Variants in CCDC88A observed in about 807,000 individuals in gnomAD.
CCDC88A encodes girdin.
A neutral mutation model predicts 234.3 loss-of-function variants in CCDC88A; 54 were observed. That is an observed-to-expected ratio of 0.23 (90% confidence interval 0.19 to 0.29). The LOEUF is 0.29. CCDC88A is among the 10% of genes least tolerant of loss of function. CCDC88A has a pLI of 1.00. For synonymous variants in CCDC88A, 753 were observed against 737.8 expected, an observed-to-expected ratio of 1.02 and a Z score of -0.33; for missense variants, 1,832 against 2,123.4, an observed-to-expected ratio of 0.86 and a Z score of 2.70.
intron 4 of CCDC88A, 151 bp from the exon 5 acceptor site, chr2:55,372,661 C>G: frequency 6.1e-6 from 3 of 491,602 alleles, no homozygotes; most frequent in South Asian, 4.5e-5. Context: ...AATAGCAGCT[C>G]TGTGTATGTA....
intron 2 of CCDC88A, among the ~76,000 whole-genome samples, chr2:55,407,578 C>G (rs1478091762): frequency 1.3e-5 from 2 of 151,736 alleles, no homozygotes; most frequent in African/African-American, 4.9e-5. Context: ...GCACTCCAGC[C>G]TGGGTGACAG....
chr2:55,354,143 C>CT (rs70954105), intron 8 of CCDC88A, among the ~76,000 whole-genome samples: 140 of 146,198 alleles, frequency 9.6e-4, no homozygotes, highest in Admixed American at 2.1e-3. Context: ...AAAAATGGTA[C>CT]TTTTTTTTTT....
chr2:55,366,844 C>A (rs1318674402), intron 5 of CCDC88A, among the ~76,000 whole-genome samples: 4 of 151,996 alleles, frequency 2.6e-5, no homozygotes, highest in Non-Finnish European at 5.9e-5. Context: ...AATAATAAGA[C>A]AAGGAACACA....
intron 3 of CCDC88A, among the ~76,000 whole-genome samples, chr2:55,381,005 C>G (rs2104854743): frequency 6.6e-6 from 1 of 152,250 alleles, no homozygotes; most frequent in East Asian, 1.9e-4. Flanking sequence ...AACAATAAAC[C>G]ATATATATGA....
At chr2:55,307,620 C>T (rs904265331) in intron 25 of CCDC88A, among the ~76,000 whole-genome samples, 12 of 152,026 alleles carry the variant, frequency 7.9e-5, no homozygotes, top group African/African-American at 2.9e-4. Context: ...ATCCAAAGTG[C>T]TGGGATTACA....
At position 55,322,508 on chromosome 2, in the gene CCDC88A, T is replaced by A. The variant is rs752519717; in HGVS notation, c.3162+20A>T. 2 of 1,441,648 alleles carry A rather than the reference T, an allele frequency of 1.4e-6. No homozygotes were observed. Among genetic ancestry groups the A allele is most frequent in the Non-Finnish European group, 1.9e-6 (2 of 1,039,948 alleles). 89.3% of individuals were successfully genotyped at this position (1,441,648 alleles called of 1,614,324 possible). ...TATTTCTAAAAAAAACTATTTCTAC[T>A]AAAATTTAAAAATACTTACATTTCT... On this transcript the variant is annotated intron_variant, in intron 18 of 32. Transcript: ENST00000436346.
intron 18 of CCDC88A, among the ~76,000 whole-genome samples, chr2:55,322,282 A>C (rs1414364311): frequency 6.6e-6 from 1 of 152,226 alleles, no homozygotes; most frequent in African/African-American, 2.4e-5. Flanking sequence ...GTCAGAGAAG[A>C]CCTTCTGCAG....
At chr2:55,387,645 G>A (rs986393528) in intron 3 of CCDC88A, among the ~76,000 whole-genome samples, 7 of 151,696 alleles carry the variant, frequency 4.6e-5, no homozygotes, top group African/African-American at 1.7e-4. Flanking sequence ...AGCTGGACAC[G>A]GTGGTGCACA....
chr2:55,336,899 A>T, intron 13 of CCDC88A, 81 bp from the exon 14 acceptor site: 1 of 866,862 alleles, frequency 1.2e-6, no homozygotes, highest in Non-Finnish European at 1.8e-6. Flanking sequence ...ATAATCGCTG[A>T]ATAAAGGATA....
intron 15 of CCDC88A, among the ~76,000 whole-genome samples, chr2:55,333,310 G>A (rs1440983031): frequency 6.6e-6 from 1 of 152,022 alleles, no homozygotes; most frequent in African/African-American, 2.4e-5. Context: ...TTAGAGATGG[G>A]AAAAAAAGAG....
chr2:55,396,742 CACCTGT>C (rs939930825), intron 2 of CCDC88A, among the ~76,000 whole-genome samples: 5 of 151,536 alleles, frequency 3.3e-5, no homozygotes, highest in African/African-American at 1.2e-4. Context: ...TGGTGGCAGG[CACCTGT>C]AGTCCTAGCT....
Position 55,393,289 on chromosome 2 carries a change from G to GTTTTTTTTTTTTT in CCDC88A, c.165-4416_165-4404dup. 3.1e-4 allele frequency among the ~76,000 whole-genome samples: 19 copies of GTTTTTTTTTTTTT among 61,658 alleles called. 2 individuals carry two copies. The highest frequency in any genetic ancestry group is 3.8e-4 in the Non-Finnish European group (14 of 37,196). The allele number at this position is 61,658 out of a possible 152,430, so 40.5% of individuals were successfully genotyped here. On this transcript the variant is annotated intron_variant, in intron 2 of 32. Coordinates refer to ENST00000436346, the MANE Select transcript of CCDC88A (RefSeq NM_001365480.1). ...TAGAGTTTTGATTTTGGTTTTTTGG[G>GTTTTTTTTTTTTT]TTTTTTTTTTTTTTTTTTTTTTTGC...
intron 2 of CCDC88A, among the ~76,000 whole-genome samples, chr2:55,400,874 T>G (rs1678499049): frequency 6.6e-6 from 1 of 152,180 alleles, no homozygotes; most frequent in Non-Finnish European, 1.5e-5. Flanking sequence ...TTAATAAATT[T>G]TTGAGATAAT....
At position 55,290,670 on chromosome 2, in the gene CCDC88A, G is replaced by A. The variant is rs1679383254; in HGVS notation, c.*530C>T. 1 of 152,328 alleles carries A rather than the reference G, an allele frequency of 6.6e-6. No individual in the cohort carries two copies. Among genetic ancestry groups the A allele is most frequent in the African/African-American group, 2.4e-5 (1 of 41,398 alleles). 9.4% of individuals were successfully genotyped at this position (152,328 alleles called of 1,614,324 possible). ...CACATGCAGTCTGCTAACCAAATAA[G>A]GCTCTGACATGCCAAAACAATTTTC... On this transcript the variant is annotated 3_prime_UTR_variant, in exon 33 of 33. Coordinates refer to ENST00000436346, the MANE Select transcript of CCDC88A (RefSeq NM_001365480.1).
chr2:55,327,104 T>C (rs1302450582), intron 17 of CCDC88A, among the ~76,000 whole-genome samples: 1 of 152,162 alleles, frequency 6.6e-6, no homozygotes, highest in Non-Finnish European at 1.5e-5. Flanking sequence ...AAATTTATTC[T>C]CTGGCTCTGA....
At chr2:55,404,470 C>T (rs1436731841) in intron 2 of CCDC88A, 1 of 151,954 alleles carries the variant, frequency 6.6e-6, no homozygotes, top group Non-Finnish European at 1.5e-5. Context: ...CCATTATAAA[C>T]CCACCAATTA....
intron 19 of CCDC88A, among the ~76,000 whole-genome samples, chr2:55,318,373 C>G (rs555370365): frequency 6.6e-6 from 1 of 152,164 alleles, no homozygotes; most frequent in East Asian, 1.9e-4. Flanking sequence ...TAAGAGCTTT[C>G]AGAGTTGAAC....
chr2:55,346,401 A>T, intron 9 of CCDC88A, 68 bp from the exon 10 acceptor site: 1 of 872,356 alleles, frequency 1.1e-6, no homozygotes, highest in Non-Finnish European at 1.7e-6. Context: ...TTGTTGCACA[A>T]TTTGAAATTT....
chr2:55,393,060 G>C (rs765640380), intron 2 of CCDC88A, among the ~76,000 whole-genome samples: 2 of 151,760 alleles, frequency 1.3e-5, no homozygotes, highest in African/African-American at 2.4e-5. Context: ...GAAAAACCTT[G>C]TTGGGATTTA....
Sources: allele counts gnomAD v4.1 joint callset (sites outside exome capture counted in the v4.1 genomes callset), GRCh38; gene constraint gnomAD v4.1.1; transcripts MANE v1.5; gene names NCBI Gene and HGNC (gene_info 2026-07-23, HGNC 2026-07-21).